GABBR2: variants seen among roughly 807,000 people sequenced by gnomAD.
GABBR2 encodes G-protein coupled receptor 51.
GABBR2 carries 23 observed loss-of-function variants against 105.6 expected under a neutral mutation model. The ratio of observed to expected loss-of-function variants is 0.22; its 90% CI spans 0.16 to 0.31. The LOEUF is 0.31. GABBR2 is among the 10% of genes least tolerant of loss of function. The pLI is 1.00. For missense variants in GABBR2, 734 were observed against 1,245.5 expected (o/e 0.59, Z 6.18); for synonymous variants, 478 against 499.7 (o/e 0.96, Z 0.58).
At chr9:98,572,037 T>C (rs981441692) in intron 2 of GABBR2, among the ~76,000 whole-genome samples, 4 of 152,230 alleles carry the variant, frequency 2.6e-5, no homozygotes, top group Admixed American at 6.5e-5. Flanking sequence ...GATGCTTTCC[T>C]GGGTCATGCC....
intron 7 of GABBR2, 145 bp from the exon 8 acceptor site, chr9:98,406,286 T>C (rs982053239): frequency 1.8e-6 from 1 of 550,844 alleles, no homozygotes. Flanking sequence ...GGACCACAGA[T>C]GAAAATCAAA....
intron 7 of GABBR2, among the ~76,000 whole-genome samples, chr9:98,408,987 T>C (rs559941672): frequency 6.6e-6 from 1 of 152,214 alleles, no homozygotes; most frequent in South Asian, 2.1e-4. Flanking sequence ...TAGGGAAGAC[T>C]CCGCTCAAGA....
chr9:98,568,306 G>A (rs549432631), intron 2 of GABBR2, among the ~76,000 whole-genome samples: 1 of 152,174 alleles, frequency 6.6e-6, no homozygotes, highest in Non-Finnish European at 1.5e-5. Context: ...AGTCAAATGG[G>A]GGGGCAGAAA....
chr9:98,359,497 G>A (rs1564030491), intron 13 of GABBR2, among the ~76,000 whole-genome samples: 1 of 152,166 alleles, frequency 6.6e-6, no homozygotes, highest in Non-Finnish European at 1.5e-5. Context: ...AAGGATGGGG[G>A]ACTGGGCTGC....
At chr9:98,575,701 G>A (rs1828897201) in intron 2 of GABBR2, among the ~76,000 whole-genome samples, 3 of 152,184 alleles carry the variant, frequency 2.0e-5, no homozygotes, top group Non-Finnish European at 2.9e-5. Flanking sequence ...CTGAGGGCAT[G>A]AGGCCAGGCT....
Position 98,606,242 on chromosome 9 carries a change from G to A in GABBR2, c.322-28170C>T, listed in dbSNP as rs866568278. ...AGTGCCGCAGTAAACATACGTGTGC[G>A]TGTGTCTTTATAGCAGCATGATTTA... On this transcript the variant is annotated intron_variant, in intron 1 of 18. Transcript: ENST00000259455. Among the ~76,000 whole-genome samples the A allele has an allele frequency of 9.9e-5, 15 of 152,230 alleles. No individual in the cohort carries two copies. The South Asian group carries it at 1.5e-3, about 15-fold the overall frequency.
chr9:98,686,160 T>C (rs927116877), intron 1 of GABBR2, among the ~76,000 whole-genome samples: 1 of 152,112 alleles, frequency 6.6e-6, no homozygotes, highest in Non-Finnish European at 1.5e-5. Flanking sequence ...CAGCTCCAGG[T>C]GATGTCTGAT....
intron 13 of GABBR2, among the ~76,000 whole-genome samples, chr9:98,325,702 A>T (rs1324161567): frequency 6.6e-6 from 1 of 152,076 alleles, no homozygotes; most frequent in Non-Finnish European, 1.5e-5. Flanking sequence ...CATGCCTAGC[A>T]CCCTGTTCAC....
intron 1 of GABBR2, among the ~76,000 whole-genome samples, chr9:98,600,140 C>T (rs1829304474): frequency 1.3e-5 from 2 of 152,120 alleles, no homozygotes; most frequent in African/African-American, 2.4e-5. Context: ...CAAGGAAGGG[C>T]TGTGCAGCCC....
intron 7 of GABBR2, among the ~76,000 whole-genome samples, chr9:98,428,572 A>G (rs995242603): frequency 6.6e-6 from 1 of 152,220 alleles, no homozygotes; most frequent in Non-Finnish European, 1.5e-5. Context: ...ACTTGGCCCC[A>G]TGCTCAGCCT....
intron 2 of GABBR2, among the ~76,000 whole-genome samples, chr9:98,568,534 G>A (rs1828781787): frequency 6.6e-6 from 1 of 152,168 alleles, no homozygotes; most frequent in Non-Finnish European, 1.5e-5. Flanking sequence ...CAGAGCAGCT[G>A]AGCAGCTTCA....
chr9:98,325,311 A>C (rs1252540136), intron 13 of GABBR2, among the ~76,000 whole-genome samples: 1 of 32,708 alleles, frequency 3.1e-5, no homozygotes, highest in African/African-American at 1.3e-4. Flanking sequence ...TTTTTTTTTG[A>C]GACAGAGTCT....
At chr9:98,379,032 C>T (rs961356670) in intron 11 of GABBR2, among the ~76,000 whole-genome samples, 15 of 152,204 alleles carry the variant, frequency 9.9e-5, no homozygotes, top group African/African-American at 3.6e-4. Flanking sequence ...CCAACCACTA[C>T]ATGGCCGCAG....
rs371009733 is a variant in GABBR2 at position 98,708,548 on chromosome 9, G to A, written c.190C>T (p.Leu64Phe). ...CTGCCCTTGGCCACCTCCTTGGTGAGCGGCATGAGGCCCATGATGGAGAGC... is the reference window on the plus strand; with the variant it reads ...CTGCCCTTGGCCACCTCCTTGGTGAACGGCATGAGGCCCATGATGGAGAGC... ...PPLSIMGLMP[L>F]TKEVAKGSIG... The change falls in exon 1 of 19, where the codon CTC becomes TTC. Residue 64 changes from leucine to phenylalanine, a missense_variant. Physicochemically the swap from Leu to Phe is conservative, Grantham distance 22. Around this residue, in one of 7 missense-constraint regions of GABBR2, gnomAD observed 370 missense variants for 648.9 expected, o/e 0.57. Transcript: ENST00000259455. 1 of 1,592,798 alleles carries A rather than the reference G, an allele frequency of 6.3e-7. No homozygotes were observed. Among genetic ancestry groups the A allele is most frequent in the Non-Finnish European group, 8.5e-7 (1 of 1,173,728 alleles).
intron 2 of GABBR2, among the ~76,000 whole-genome samples, chr9:98,572,914 G>A (rs1257224113): frequency 3.3e-5 from 5 of 152,166 alleles, no homozygotes; most frequent in African/African-American, 1.2e-4. Context: ...CAGCCCCAGT[G>A]TCTAGTAGTG....
chr9:98,360,758 G>T (rs1309546243), intron 13 of GABBR2, among the ~76,000 whole-genome samples: 1 of 152,142 alleles, frequency 6.6e-6, no homozygotes, highest in Admixed American at 6.5e-5. Context: ...TTGTTTAAAC[G>T]GTCCAGTAGG....
At chr9:98,368,247 T>C (rs1831715689) in intron 12 of GABBR2, among the ~76,000 whole-genome samples, 1 of 149,092 alleles carries the variant, frequency 6.7e-6, no homozygotes, top group South Asian at 2.1e-4. Flanking sequence ...TAATCCCCAC[T>C]GTCTCTGACA....
At chr9:98,652,956 G>A (rs1456207225) in intron 1 of GABBR2, among the ~76,000 whole-genome samples, 1 of 152,210 alleles carries the variant, frequency 6.6e-6, no homozygotes, top group African/African-American at 2.4e-5. Context: ...TGGTGTGGGT[G>A]GCCTCAGCCA....
chr9:98,703,613 C>T (rs533857397), intron 1 of GABBR2, among the ~76,000 whole-genome samples: 2 of 152,212 alleles, frequency 1.3e-5, no homozygotes, highest in South Asian at 4.1e-4. Flanking sequence ...CTGCCTCAAC[C>T]TCCCTAGTGG....
Sources: allele counts gnomAD v4.1 joint callset (sites outside exome capture counted in the v4.1 genomes callset), GRCh38; gene constraint gnomAD v4.1.1; regional missense constraint gnomAD v4.1.1; transcripts MANE v1.5; gene names NCBI Gene and HGNC (gene_info 2026-07-23, HGNC 2026-07-21).